SLC38A6: variants seen among roughly 807,000 people sequenced by gnomAD.
SLC38A6 encodes solute carrier family 38 member 6, also known as N system amino acid transporter NAT-1.
In SLC38A6, 73 loss-of-function variants were observed where a neutral mutation model predicts 65.0. That is an observed-to-expected ratio of 1.12 (90% CI 0.93 to 1.37). The LOEUF (loss-of-function observed/expected upper bound fraction) is 1.37, where lower values mean the gene tolerates loss of function less well. Ranked by LOEUF, SLC38A6 falls within the 40% of genes most tolerant of loss-of-function variation. The pLI is 0.00. For synonymous variants in SLC38A6, 183 were observed against 178.8 expected (o/e 1.02, Z -0.19); for missense variants, 561 against 531.1 (o/e 1.06, Z -0.55).
intron 8 of SLC38A6, among the ~76,000 whole-genome samples, chr14:61,041,306 A>G (rs1343365836): frequency 6.6e-6 from 1 of 152,108 alleles, no homozygotes; most frequent in Non-Finnish European, 1.5e-5. Flanking sequence ...TCCACCCCAT[A>G]CCACCATACA....
chr14:61,020,900 A>C (rs111636920), intron 5 of SLC38A6, among the ~76,000 whole-genome samples: 17 of 152,130 alleles, frequency 1.1e-4, no homozygotes, highest in African/African-American at 4.1e-4. Flanking sequence ...AGATTGAACC[A>C]TTGTTTAACA....
intron 12 of SLC38A6, among the ~76,000 whole-genome samples, chr14:61,050,063 C>T (rs1023047518): frequency 6.6e-6 from 1 of 152,104 alleles, no homozygotes; most frequent in Admixed American, 6.6e-5. Context: ...CTGTCTCTAG[C>T]ACCAAAAAGA....
At chr14:61,041,772 C>T (rs1330561282) in intron 8 of SLC38A6, among the ~76,000 whole-genome samples, 1 of 152,074 alleles carries the variant, frequency 6.6e-6, no homozygotes, top group Non-Finnish European at 1.5e-5. Context: ...GATGGCCACA[C>T]ACCTGTAGTC....
chr14:61,077,512 C>T (rs2043465415), intron 15 of SLC38A6, among the ~76,000 whole-genome samples: 1 of 152,154 alleles, frequency 6.6e-6, no homozygotes, highest in Non-Finnish European at 1.5e-5. Flanking sequence ...GACATTTTTA[C>T]TATATAACTT....
chr14:60,990,099 G>A (rs1316889754), intron 3 of SLC38A6, among the ~76,000 whole-genome samples: 1 of 151,166 alleles, frequency 6.6e-6, no homozygotes, highest in Non-Finnish European at 1.5e-5. Context: ...GTGTGATTTT[G>A]GCTCACTGTA....
chr14:61,040,441 A>C (rs1368016276), intron 8 of SLC38A6, among the ~76,000 whole-genome samples: 1 of 150,402 alleles, frequency 6.6e-6, no homozygotes, highest in African/African-American at 2.5e-5. Flanking sequence ...CCAGGTTCAC[A>C]GCATTCTCTT....
intron 4 of SLC38A6, among the ~76,000 whole-genome samples, chr14:61,016,927 T>C (rs1460413936): frequency 2.0e-5 from 3 of 152,242 alleles, no homozygotes; most frequent in Non-Finnish European, 4.4e-5. Context: ...TCTAAAAGGA[T>C]ACTCTATCTG....
intron 5 of SLC38A6, among the ~76,000 whole-genome samples, chr14:61,027,102 T>A (rs2040652324): frequency 6.6e-6 from 1 of 152,200 alleles, no homozygotes; most frequent in South Asian, 2.1e-4. Context: ...TTCTCCATGT[T>A]GTTTTTAAAG....
chr14:61,062,461 T>G (rs1274543927), intron 15 of SLC38A6, among the ~76,000 whole-genome samples: 2 of 152,120 alleles, frequency 1.3e-5, no homozygotes, highest in African/African-American at 2.4e-5. Context: ...TTTATTTTCT[T>G]TGGTAAAGTA....
At chr14:61,008,192 G>A (rs2039290431) in intron 3 of SLC38A6, among the ~76,000 whole-genome samples, 1 of 151,960 alleles carries the variant, frequency 6.6e-6, no homozygotes, top group Non-Finnish European at 1.5e-5. Flanking sequence ...TTTAGAAAAG[G>A]GCTGTATCAT....
At chr14:61,062,830 G>A (rs939871427) in intron 15 of SLC38A6, among the ~76,000 whole-genome samples, 9 of 152,062 alleles carry the variant, frequency 5.9e-5, no homozygotes, top group South Asian at 4.1e-4. Flanking sequence ...ACAGGCGCAC[G>A]CCACCACACC....
chr14:61,010,476 G>A (rs1307807880), intron 3 of SLC38A6, among the ~76,000 whole-genome samples: 2 of 152,184 alleles, frequency 1.3e-5, no homozygotes, highest in African/African-American at 4.8e-5. Context: ...GTCCTGAATG[G>A]TATTGCCTAG....
At chr14:61,006,731 T>C (rs1238997291) in intron 3 of SLC38A6, among the ~76,000 whole-genome samples, 2 of 152,226 alleles carry the variant, frequency 1.3e-5, no homozygotes, top group Non-Finnish European at 2.9e-5. Context: ...GGTGGGACTG[T>C]AAACTAGTTC....
intron 5 of SLC38A6, among the ~76,000 whole-genome samples, chr14:61,027,512 A>G (rs78339275): frequency 0.01 from 1,585 of 152,260 alleles, 26 homozygotes; most frequent in African/African-American, 0.036. Context: ...TAAAAGACAT[A>G]AGACAAAAAC....
chr14:61,037,860 G>A (rs1042801238), intron 8 of SLC38A6, among the ~76,000 whole-genome samples, 177 bp downstream of exon 8: 2 of 152,108 alleles, frequency 1.3e-5, no homozygotes, highest in African/African-American at 4.8e-5. Flanking sequence ...ATTTTGAAGA[G>A]GCTTAGCTAG....
At chr14:60,993,009 G>T (rs1209719635) in intron 3 of SLC38A6, among the ~76,000 whole-genome samples, 1 of 152,072 alleles carries the variant, frequency 6.6e-6, no homozygotes. Context: ...ACCACATCCG[G>T]CTGATTTTTG....
Position 61,083,278 on chromosome 14 carries a change from G to A in SLC38A6, c.1409-277G>A, listed in dbSNP as rs571269971. Among the ~76,000 whole-genome samples the A allele has an allele frequency of 8.5e-5, 13 of 152,306 alleles. 1 individual carries two copies. In the South Asian group the frequency reaches 2.7e-3, roughly 32 times the overall value. ...CCACTGTGGGTAGACTACACCTCAG[G>A]TGGCCCTCCCCATGTGTAGCCATGC... On this transcript the variant is annotated intron_variant, in intron 16 of 16. Transcript: ENST00000354886.
intron 3 of SLC38A6, among the ~76,000 whole-genome samples, chr14:60,997,476 G>A (rs2038377285): frequency 6.6e-6 from 1 of 152,174 alleles, no homozygotes; most frequent in Non-Finnish European, 1.5e-5. Flanking sequence ...CAAAGGCACA[G>A]TCCTCGCTCC....
chr14:60,992,613 A>G (rs1349861327), intron 3 of SLC38A6, among the ~76,000 whole-genome samples: 2 of 152,162 alleles, frequency 1.3e-5, no homozygotes, highest in Non-Finnish European at 2.9e-5. Flanking sequence ...GTGAACATAT[A>G]TTCATCTGGG....
Sources: gnomAD v4.1 joint callset for allele counts (sites outside exome capture counted in the v4.1 genomes callset) on GRCh38, gnomAD v4.1.1 for gene constraint, MANE v1.5 for transcripts, NCBI Gene and HGNC (gene_info 2026-07-23, HGNC 2026-07-21) for gene names.